The following PPM1L variants were observed in gnomAD, a reference collection of about 807,000 sequenced individuals.
The protein encoded by PPM1L is protein phosphatase 1L.
Under a neutral mutation model 31.4 loss-of-function variants are expected in PPM1L, and 13 were observed. The observed-to-expected ratio is 0.41, with a 90% CI of 0.27 to 0.66. The LOEUF (loss-of-function observed/expected upper bound fraction) is 0.66, where lower values mean the gene tolerates loss of function less well. PPM1L is among the 30% of genes least tolerant of loss of function. The pLI is 0.29. For synonymous variants in PPM1L, 184 were observed against 175.4 expected, an observed-to-expected ratio of 1.05 and a Z score of -0.39; for missense variants, 326 against 453.7, an observed-to-expected ratio of 0.72 and a Z score of 2.56.
In PPM1L at chr3:160,842,394, C is replaced by CT. The variant is rs766421228; in HGVS notation, c.399+85690dup. On this transcript the variant is annotated intron_variant, in intron 1 of 3. Coordinates refer to ENST00000498165, the MANE Select transcript of PPM1L (RefSeq NM_139245.4). ...TAGGTTGAATTCAAATTGGGAGGGG[C>CT]TTTGAATGCCAGGCAAGGGAATTTG... The CT allele has an allele frequency of 8.0e-4, 549 of 683,320 alleles. 1 individual carries two copies. Among genetic ancestry groups the CT allele is most frequent in the Admixed American group, 1.2e-3 (59 of 48,000 alleles). 42.3% of individuals were successfully genotyped at this position (683,320 alleles called of 1,614,324 possible).
At chr3:160,770,644 A>G (rs1291048277) in intron 1 of PPM1L, among the ~76,000 whole-genome samples, 1 of 152,226 alleles carries the variant, frequency 6.6e-6, no homozygotes, top group Non-Finnish European at 1.5e-5. Flanking sequence ...CCTAGAAAGC[A>G]TTAGTCTAAA....
intron 1 of PPM1L, among the ~76,000 whole-genome samples, chr3:160,764,781 T>C (rs1368196961): frequency 6.6e-6 from 1 of 152,206 alleles, no homozygotes; most frequent in Non-Finnish European, 1.5e-5. Context: ...TTTAATTCTT[T>C]ATATTTATAT....
intron 2 of PPM1L, among the ~76,000 whole-genome samples, chr3:160,965,177 G>A (rs1361717371): frequency 6.6e-6 from 1 of 151,816 alleles, no homozygotes; most frequent in Non-Finnish European, 1.5e-5. Flanking sequence ...CGTGAACCCA[G>A]GAGGCGGAGC....
chr3:161,048,261 T>G (rs1469732418), intron 2 of PPM1L, among the ~76,000 whole-genome samples: 4 of 152,092 alleles, frequency 2.6e-5, no homozygotes, highest in African/African-American at 9.7e-5. Flanking sequence ...CATCACAAAG[T>G]GGGTGAAAGA....
rs1477064769 is a variant in PPM1L at position 161,070,623 on chromosome 3, G to A, written c.*1466G>A. The A allele has an allele frequency of 6.6e-6, 1 of 152,102 alleles. No homozygotes were observed. Among genetic ancestry groups the A allele is most frequent in the African/African-American group, 2.4e-5 (1 of 41,408 alleles). The allele number at this position is 152,102 out of a possible 1,614,324, so 9.4% of individuals were successfully genotyped here. On this transcript the variant is annotated 3_prime_UTR_variant, in exon 4 of 4. Transcript: ENST00000498165. Reference sequence around the variant, plus strand: ...TGCTGGGTCACTCTCTTTGCCTAAGGTGACTCAAACAGCCAAACGAAACTT... The same window carrying A: ...TGCTGGGTCACTCTCTTTGCCTAAGATGACTCAAACAGCCAAACGAAACTT...
chr3:160,933,161 G>A (rs1049778252), intron 1 of PPM1L, among the ~76,000 whole-genome samples: 4 of 152,176 alleles, frequency 2.6e-5, no homozygotes, highest in African/African-American at 7.2e-5. Context: ...AGATAAAATT[G>A]CCTTGTATTA....
intron 1 of PPM1L, among the ~76,000 whole-genome samples, chr3:160,772,846 T>G (rs746815614): frequency 2.6e-5 from 4 of 152,238 alleles, no homozygotes; most frequent in Non-Finnish European, 5.9e-5. Context: ...CTGGCCTTTT[T>G]TTTCTCAGCA....
intron 1 of PPM1L, chr3:160,842,242 T>C (rs1713905549): frequency 1.4e-6 from 1 of 702,344 alleles, no homozygotes; most frequent in South Asian, 1.5e-5. Context: ...GGAGGGATGC[T>C]GGTGCCATTA....
chr3:160,951,689 AT>A (rs2108098688), intron 1 of PPM1L, among the ~76,000 whole-genome samples: 1 of 152,330 alleles, frequency 6.6e-6, no homozygotes, highest in East Asian at 1.9e-4. Context: ...TAGATGACTG[AT>A]AAAGTTATTT....
chr3:160,820,610 G>A (rs952289381), intron 1 of PPM1L, among the ~76,000 whole-genome samples: 4 of 151,882 alleles, frequency 2.6e-5, no homozygotes, highest in African/African-American at 4.8e-5. Flanking sequence ...TTATAGTATT[G>A]TATGGTCTTA....
intron 1 of PPM1L, among the ~76,000 whole-genome samples, chr3:160,927,527 T>G (rs1279305828): frequency 1.3e-5 from 2 of 152,134 alleles, no homozygotes; most frequent in African/African-American, 2.4e-5. Flanking sequence ...TTAGACTCAT[T>G]GGTAGTGAAA....
intron 1 of PPM1L, among the ~76,000 whole-genome samples, chr3:160,913,690 A>G (rs34297047): frequency 0.42 from 63,511 of 152,012 alleles, 14,807 homozygotes; most frequent in Non-Finnish European, 0.54. Context: ...GGGATTCAGC[A>G]TAATGTTTTT....
chr3:160,768,146 C>G (rs1443600345), intron 1 of PPM1L, among the ~76,000 whole-genome samples: 1 of 152,172 alleles, frequency 6.6e-6, no homozygotes, highest in Middle Eastern at 3.2e-3. Context: ...TATTTGAGCA[C>G]TTAGATGTTT....
chr3:160,932,546 A>C (rs992048386), intron 1 of PPM1L, among the ~76,000 whole-genome samples: 2 of 152,198 alleles, frequency 1.3e-5, no homozygotes, highest in East Asian at 3.8e-4. Context: ...TTATAGGATG[A>C]AGACTCCTTT....
At chr3:160,925,913 T>C (rs1251798782) in intron 1 of PPM1L, among the ~76,000 whole-genome samples, 4 of 152,122 alleles carry the variant, frequency 2.6e-5, no homozygotes, top group Non-Finnish European at 4.4e-5. Context: ...TTGAGAGAGG[T>C]GATGGTGGTG....
At chr3:160,899,615 T>A (rs1412764586) in intron 1 of PPM1L, among the ~76,000 whole-genome samples, 5 of 152,210 alleles carry the variant, frequency 3.3e-5, no homozygotes, top group African/African-American at 1.2e-4. Context: ...AATTAGTAAC[T>A]TTAGTTTTAA....
At chr3:160,923,973 C>T (rs1008037136) in intron 1 of PPM1L, among the ~76,000 whole-genome samples, 13 of 152,300 alleles carry the variant, frequency 8.5e-5, no homozygotes, top group African/African-American at 3.1e-4. Context: ...CAAGGTAAAC[C>T]ATCATCTGTG....
chr3:160,986,087 A>G (rs1716955573), intron 2 of PPM1L, among the ~76,000 whole-genome samples: 1 of 152,220 alleles, frequency 6.6e-6, no homozygotes, highest in Admixed American at 6.5e-5. Context: ...AAACCTGCCT[A>G]GCAAATAATA....
chr3:161,065,591 T>G, intron 3 of PPM1L, 27 bp downstream of exon 3: 1 of 1,604,180 alleles, frequency 6.2e-7, no homozygotes, highest in Middle Eastern at 1.7e-4. Context: ...CTCCAAGAAA[T>G]GTCTGCTGTC....
Sources: gnomAD v4.1 joint callset for allele counts (sites outside exome capture counted in the v4.1 genomes callset) on GRCh38, gnomAD v4.1.1 for gene constraint, MANE v1.5 for transcripts, NCBI Gene and HGNC (gene_info 2026-07-23, HGNC 2026-07-21) for gene names.